Variants in HSBP1L1 observed in about 807,000 individuals in gnomAD.
HSBP1L1 encodes heat shock factor-binding protein 1-like protein 1.
A neutral mutation model predicts 9.7 loss-of-function variants in HSBP1L1; 8 were observed. The observed-to-expected ratio is 0.82, with a 90% CI of 0.48 to 1.48. HSBP1L1 has a LOEUF of 1.48. Ranked by LOEUF, HSBP1L1 falls within the 40% of genes most tolerant of loss-of-function variation. The pLI is 0.00. For synonymous variants in HSBP1L1, 39 were observed against 34.4 expected (o/e 1.13, Z -0.46); for missense variants, 106 against 95.8 (o/e 1.11, Z -0.44).
Position 79,970,606 on chromosome 18 carries a change from G to A in HSBP1L1, c.*155G>A. The A allele has an allele frequency of 1.6e-6, 1 of 618,352 alleles. No individual in the cohort carries two copies. Among genetic ancestry groups the A allele is most frequent in the South Asian group, 1.9e-5 (1 of 53,878 alleles). 38.3% of individuals were successfully genotyped at this position (618,352 alleles called of 1,614,324 possible). ...TCCCCTCCGTGCCTGCACCAGAGAA[G>A]GAGGCCATCGGCAAGCCAAGGAGAG... is the stretch of plus-strand genomic sequence containing the variant. On this transcript the variant is annotated 3_prime_UTR_variant, in exon 4 of 4. Coordinates refer to ENST00000451882, the MANE Select transcript of HSBP1L1 (RefSeq NM_001136180.2).
chr18:79,966,896 C>T, intron 2 of HSBP1L1: 1 of 442,652 alleles, frequency 2.3e-6, no homozygotes, highest in Non-Finnish European at 4.1e-6. Flanking sequence ...CGCCTGTAAT[C>T]CCAGCACTTT....
At chr18:79,969,287 GGAGGGAGGGA>G (rs1203485788) in intron 3 of HSBP1L1, among the ~76,000 whole-genome samples, 2 of 22,374 alleles carry the variant, frequency 8.9e-5, no homozygotes, top group African/African-American at 1.3e-4. Flanking sequence ...AGGGAGGGAG[GGAGGGAGGGA>G]GAGAGAGAGA....
Position 79,964,774 on chromosome 18 carries a change from G to A in HSBP1L1, c.39G>A (p.Ala13=). 2.1e-6 allele frequency: 3 copies of A among 1,399,320 alleles called. No individual in the cohort carries two copies. Among genetic ancestry groups the A allele is most frequent in the South Asian group, 2.9e-5 (2 of 68,192 alleles). The allele number at this position is 1,399,320 out of a possible 1,614,324, so 86.7% of individuals were successfully genotyped here. A position where few individuals can be genotyped will look rare whatever the true frequency, so the allele number is the denominator to read the frequency against. ...GCCCTGAAGCCCCCGGCGGGCGCGCGCTGCGGGACGCGGTGAGCCCCTCCC... is the reference window on the plus strand; with the variant it reads ...GCCCTGAAGCCCCCGGCGGGCGCGCACTGCGGGACGCGGTGAGCCCCTCCC... ...VRGPEAPGGR[A]LRDAAENLFQ... The change falls in exon 1 of 4, where the codon GCG becomes GCA. Residue 13 remains alanine, a synonymous_variant. Transcript: ENST00000451882.
intron 3 of HSBP1L1, among the ~76,000 whole-genome samples, chr18:79,969,376 A>AAAGG (rs1568356662): frequency 1.9e-5 from 1 of 52,290 alleles, no homozygotes; most frequent in Admixed American, 2.3e-4. Context: ...AGAAAGAAAG[A>AAAGG]AAGAAAGAAA....
At position 79,966,670 on chromosome 18, in the gene HSBP1L1, A is replaced by G; in HGVS notation, c.110A>G (p.Asn37Ser). 4 of 1,546,772 alleles carry G rather than the reference A, an allele frequency of 2.6e-6. No individual in the cohort carries two copies. Among genetic ancestry groups the G allele is most frequent in the South Asian group, 1.2e-5 (1 of 83,632 alleles). The change falls in exon 2 of 4, where the codon AAC becomes AGC. Residue 37 changes from asparagine (N) to serine (S), a missense_variant. Physicochemically the swap from Asn to Ser is conservative, Grantham distance 46 (BLOSUM62 1). Transcript: ENST00000451882. ...EHFQALTATL[N>S]LRMEEMGNRI... ...TTTCAAGCTCTGACGGCAACATTAA[A>G]CCTCAGAAATATCCTTTTCTACCTT...
At position 79,964,721 on chromosome 18, in the gene HSBP1L1, C is replaced by G; in HGVS notation, c.-15C>G. Reference sequence around the variant, plus strand: ...CCACGGGACCCCCCACTGACGCCCCCGGCCAGCGGTCCACATGGACGTGCG... The same window carrying G: ...CCACGGGACCCCCCACTGACGCCCCGGGCCAGCGGTCCACATGGACGTGCG... On this transcript the variant is annotated 5_prime_UTR_variant, in exon 1 of 4. Coordinates refer to ENST00000451882, the MANE Select transcript of HSBP1L1 (RefSeq NM_001136180.2). The G allele has an allele frequency of 2.8e-6, 4 of 1,403,718 alleles. No individual in the cohort carries two copies. Among genetic ancestry groups the G allele is most frequent in the Non-Finnish European group, 3.7e-6 (4 of 1,078,082 alleles). The allele number at this position is 1,403,718 out of a possible 1,614,324, so 87.0% of individuals were successfully genotyped here.
intron 1 of HSBP1L1, among the ~76,000 whole-genome samples, chr18:79,965,295 G>A (rs1348887982): frequency 5.3e-5 from 8 of 152,196 alleles, no homozygotes; most frequent in Non-Finnish European, 1.0e-4. Context: ...TGGCTATGAG[G>A]AAGAGACCTG....
intron 1 of HSBP1L1, among the ~76,000 whole-genome samples, chr18:79,965,563 G>A (rs2051252659): frequency 6.6e-6 from 1 of 152,200 alleles, no homozygotes; most frequent in South Asian, 2.1e-4. Flanking sequence ...AATGGTGTGG[G>A]ACGTCAGTCT....
Position 79,964,770 on chromosome 18 carries a change from G to C in HSBP1L1, c.35G>C (p.Arg12Pro). The part of the protein sequence containing the change: ...DVRGPEAPGG[R>P]ALRDAAENLF... Reference sequence around the variant, plus strand: ...CGGGGCCCTGAAGCCCCCGGCGGGCGCGCGCTGCGGGACGCGGTGAGCCCC... The same window carrying C: ...CGGGGCCCTGAAGCCCCCGGCGGGCCCGCGCTGCGGGACGCGGTGAGCCCC... Residue 12 changes from arginine (R) to proline (P), a missense_variant, in exon 1 of 4, where the codon CGC (arginine) becomes CCC (proline). Coordinates refer to ENST00000451882, the MANE Select transcript of HSBP1L1 (RefSeq NM_001136180.2). The C allele has an allele frequency of 6.4e-6, 9 of 1,405,270 alleles. No individual in the cohort carries two copies. The highest frequency in any genetic ancestry group is 8.3e-6 in the Non-Finnish European group (9 of 1,080,222). 87.1% of individuals were successfully genotyped at this position (1,405,270 alleles called of 1,614,324 possible). A position where few individuals can be genotyped will look rare whatever the true frequency, so the allele number is the denominator to read the frequency against.
rs1568356375 is a variant in HSBP1L1 at position 79,969,220 on chromosome 18, GAAAGAGGAGA to G, written c.213+1038_213+1047del. On this transcript the variant is annotated intron_variant, in intron 3 of 3. Transcript: ENST00000451882. Reference sequence around the variant, plus strand: ...GAAAGGAAAGAAAGAAAGAAAGAAAGAAAGAGGAGAGAGAGGAGAGAGAGGAGAGGAGAGA... The same window carrying G: ...GAAAGGAAAGAAAGAAAGAAAGAAAGGAGAGGAGAGAGAGGAGAGGAGAGA... Among the ~76,000 whole-genome samples the G allele has an allele frequency of 5.1e-4, 26 of 50,824 alleles. 1 individual carries two copies. The highest frequency in any genetic ancestry group is 1.0e-3 in the African/African-American group (19 of 18,586). 33.3% of individuals were successfully genotyped at this position (50,824 alleles called of 152,430 possible).
Position 79,964,732 on chromosome 18 carries a change from C to G in HSBP1L1, c.-4C>G. On this transcript the variant is annotated 5_prime_UTR_variant, in exon 1 of 4. Coordinates refer to ENST00000451882, the MANE Select transcript of HSBP1L1 (RefSeq NM_001136180.2). ...CCCACTGACGCCCCCGGCCAGCGGT[C>G]CACATGGACGTGCGGGGCCCTGAAG... is the stretch of plus-strand genomic sequence containing the variant. 1 of 1,423,104 alleles carries G rather than the reference C, an allele frequency of 7.0e-7. No homozygotes were observed. Among genetic ancestry groups the G allele is most frequent in the Non-Finnish European group, 9.2e-7 (1 of 1,090,622 alleles). 88.2% of individuals were successfully genotyped at this position (1,423,104 alleles called of 1,614,324 possible). A position where few individuals can be genotyped will look rare whatever the true frequency, so the allele number is the denominator to read the frequency against.
At chr18:79,964,821 TGG>T in intron 1 of HSBP1L1, 35 bp downstream of exon 1, 4 of 820,228 alleles carry the variant, frequency 4.9e-6, no homozygotes, top group Non-Finnish European at 6.0e-6. Context: ...TCTCTCTGGA[TGG>T]GGGCGCCCCT....
At chr18:79,969,789 C>T (rs547868023) in intron 3 of HSBP1L1, among the ~76,000 whole-genome samples, 4 of 152,296 alleles carry the variant, frequency 2.6e-5, no homozygotes, top group African/African-American at 9.6e-5. Flanking sequence ...CATGTCGACA[C>T]GTGTCGCTCT....
intron 1 of HSBP1L1, among the ~76,000 whole-genome samples, chr18:79,965,830 G>A (rs1286194829): frequency 6.6e-6 from 1 of 152,206 alleles, no homozygotes; most frequent in African/African-American, 2.4e-5. Context: ...TTCCCGCGCT[G>A]CTTGTTGAAA....
At chr18:79,965,405 A>G (rs770586911) in intron 1 of HSBP1L1, among the ~76,000 whole-genome samples, 1 of 152,036 alleles carries the variant, frequency 6.6e-6, no homozygotes, top group East Asian at 1.9e-4. Context: ...GCCTCCTCCT[A>G]TGTCGACGGG....
intron 1 of HSBP1L1, 47 bp downstream of exon 1, chr18:79,964,833 T>G: frequency 5.6e-6 from 2 of 354,212 alleles, no homozygotes; most frequent in Non-Finnish European, 8.1e-6. Context: ...GGGGCGCCCC[T>G]GCGGTTCTGG....
chr18:79,969,381 AAGAAAGAAAG>A (rs1884729966), intron 3 of HSBP1L1, among the ~76,000 whole-genome samples: 13 of 55,586 alleles, frequency 2.3e-4, no homozygotes, highest in African/African-American at 5.7e-4. Flanking sequence ...GAAAGAAAGA[AAGAAAGAAAG>A]AAAAAAAAAC....
chr18:79,966,593 T>A lies in HSBP1L1; in HGVS notation c.52-19T>A, dbSNP rs1470525869. The A allele has an allele frequency of 6.5e-7, 1 of 1,534,118 alleles. No individual in the cohort carries two copies. The highest frequency in any genetic ancestry group is 8.8e-7 in the Non-Finnish European group (1 of 1,132,312). Reference sequence around the variant, plus strand: ...AACAGTAAATATTTATTCAATTGTCTTACGGTTTATTTTTTCAGGCAGAAA... The same window carrying A: ...AACAGTAAATATTTATTCAATTGTCATACGGTTTATTTTTTCAGGCAGAAA... On this transcript the variant is annotated intron_variant, in intron 1 of 3. Coordinates refer to ENST00000451882, the MANE Select transcript of HSBP1L1 (RefSeq NM_001136180.2).
intron 2 of HSBP1L1, chr18:79,967,784 T>C (rs2051265190): frequency 4.1e-6 from 1 of 246,516 alleles, no homozygotes; most frequent in South Asian, 7.8e-5. Flanking sequence ...AAAAAAGAGT[T>C]AATTCCATTA....
Sources: allele counts gnomAD v4.1 joint callset (sites outside exome capture counted in the v4.1 genomes callset), GRCh38; gene constraint gnomAD v4.1.1; transcripts MANE v1.5; gene names NCBI Gene and HGNC (gene_info 2026-07-23, HGNC 2026-07-21).